BSN: variants seen among roughly 807,000 people sequenced by gnomAD.
The protein encoded by BSN is protein bassoon.
BSN carries 57 observed loss-of-function variants against 264.8 expected under a neutral mutation model. The observed-to-expected ratio is 0.22, with a 90% CI of 0.17 to 0.27. The LOEUF (loss-of-function observed/expected upper bound fraction) is 0.27, where lower values mean the gene tolerates loss of function less well. Ranked by LOEUF, BSN falls within the 10% of genes least tolerant of loss-of-function variation. The probability of loss-of-function intolerance (pLI) is 1.00; values close to 1 mark genes in which losing one functional copy is unlikely to be tolerated. For synonymous variants in BSN, 2,059 were observed against 2,137.3 expected (o/e 0.96, Z 1.01); for missense variants, 4,615 against 5,232.5 (o/e 0.88, Z 3.64).
At chr3:49,641,974 G>A (rs1040196196) in intron 2 of BSN, among the ~76,000 whole-genome samples, 1 of 151,914 alleles carries the variant, frequency 6.6e-6, no homozygotes, top group Non-Finnish European at 1.5e-5. Flanking sequence ...CTGCCAGGGG[G>A]TGGCGGGGAG....
intron 1 of BSN, among the ~76,000 whole-genome samples, chr3:49,597,641 C>CT (rs1373396014): frequency 1.3e-5 from 2 of 151,616 alleles, no homozygotes; most frequent in African/African-American, 2.4e-5. Context: ...CATTATTGTA[C>CT]TTTTTTTTTC....
In BSN at chr3:49,554,675, C is replaced by T; in HGVS notation, c.73C>T (p.Pro25Ser). 3 of 1,014,300 alleles carry T rather than the reference C, an allele frequency of 3.0e-6. No individual in the cohort carries two copies. The highest frequency in any genetic ancestry group is 3.5e-6 in the Non-Finnish European group (3 of 848,688). 62.8% of individuals were successfully genotyped at this position (1,014,300 alleles called of 1,614,324 possible). A position where few individuals can be genotyped will look rare whatever the true frequency, so the allele number is the denominator to read the frequency against. Residue 25 changes from proline (P) to serine (S), a missense_variant, in exon 1 of 12, where the codon CCG becomes TCG. Coordinates refer to ENST00000296452, the MANE Select transcript of BSN (RefSeq NM_003458.4). ...PLPPGGAGPG[P>S]GPGPGPGAGK... ...GCCGCCCGGCGGCGCCGGCCCCGGCCCGGGCCCCGGCCCCGGCCCCGGCGC... is the reference window on the plus strand; with the variant it reads ...GCCGCCCGGCGGCGCCGGCCCCGGCTCGGGCCCCGGCCCCGGCCCCGGCGC...
At chr3:49,570,670 C>T (rs1249580881) in intron 1 of BSN, among the ~76,000 whole-genome samples, 1 of 152,156 alleles carries the variant, frequency 6.6e-6, no homozygotes, top group Non-Finnish European at 1.5e-5. Context: ...CCTCTACACC[C>T]CTGAGTGTTG....
rs1221715143 is a variant in BSN at position 49,592,192 on chromosome 3, C to T, written c.225-32783C>T. 4.0e-5 allele frequency among the ~76,000 whole-genome samples: 6 copies of T among 151,778 alleles called. No individual in the cohort carries two copies. In the East Asian group the frequency reaches 1.2e-3, roughly 30 times the overall value. On this transcript the variant is annotated intron_variant, in intron 1 of 11. Coordinates refer to ENST00000296452, the MANE Select transcript of BSN (RefSeq NM_003458.4). ...TGGCATGATCTCCACTCACTGCAACCTCTGCCTCCCGGGTTCAAGCGATTC... is the reference window on the plus strand; with the variant it reads ...TGGCATGATCTCCACTCACTGCAACTTCTGCCTCCCGGGTTCAAGCGATTC...
intron 1 of BSN, among the ~76,000 whole-genome samples, chr3:49,592,491 C>T (rs956546381): frequency 6.6e-6 from 1 of 151,316 alleles, no homozygotes; most frequent in Non-Finnish European, 1.5e-5. Context: ...CGGTGGCTCA[C>T]GCCTGTAATC....
At chr3:49,593,073 T>A (rs1158079531) in intron 1 of BSN, among the ~76,000 whole-genome samples, 2 of 152,132 alleles carry the variant, frequency 1.3e-5, no homozygotes, top group African/African-American at 4.8e-5. Flanking sequence ...CCATCCCTAA[T>A]CCCTGGCAAC....
At chr3:49,601,643 G>A (rs1171757783) in intron 1 of BSN, among the ~76,000 whole-genome samples, 3 of 152,180 alleles carry the variant, frequency 2.0e-5, no homozygotes, top group African/African-American at 7.2e-5. Context: ...CATTCTTACT[G>A]AAGCTGCTCC....
chr3:49,606,189 T>TATATATGTATATATATA (rs2052141808), intron 1 of BSN, among the ~76,000 whole-genome samples: 3 of 43,764 alleles, frequency 6.9e-5, no homozygotes, highest in African/African-American at 2.4e-4. Flanking sequence ...GTATATATAT[T>TATATATGTATATATATA]ATATATACAT....
rs1446980638 is a variant in BSN at position 49,652,799 on chromosome 3, G to T, written c.3243G>T (p.Leu1081=). Residue 1081 remains leucine (L), a synonymous_variant, in exon 5 of 12, where the codon CTG becomes CTT. Coordinates refer to ENST00000296452, the MANE Select transcript of BSN (RefSeq NM_003458.4). ...ARKTRRDKEE[L]RAQRRRERSK... ...AGACCCGGCGGGACAAGGAAGAACT[G>T]CGGGCCCAGCGGAGGCGAGAGCGCT... is the stretch of plus-strand genomic sequence containing the variant. The T allele has an allele frequency of 6.4e-7, 1 of 1,554,428 alleles. No homozygotes were observed. Among genetic ancestry groups the T allele is most frequent in the East Asian group, 2.3e-5 (1 of 44,298 alleles).
intron 1 of BSN, among the ~76,000 whole-genome samples, chr3:49,568,522 T>C (rs1332677334): frequency 2.6e-5 from 4 of 152,232 alleles, no homozygotes; most frequent in Admixed American, 6.5e-5. Flanking sequence ...GGGAAAAATA[T>C]ATTTGTTTAC....
Position 49,663,105 on chromosome 3 carries a change from C to T in BSN, c.10947C>T (p.Asp3649=). 6.2e-7 allele frequency: 1 copy of T among 1,611,804 alleles called. No homozygotes were observed. The highest frequency in any genetic ancestry group is 8.5e-7 in the Non-Finnish European group (1 of 1,179,596). Residue 3649 remains aspartate, a synonymous_variant, in exon 7 of 12, where the codon GAC becomes GAT. Transcript: ENST00000296452. ...HASAKEHRHG[D]HGRHSGRHTG... ...CAGCCAAGGAACACCGGCACGGTGA[C>T]CACGGGCGGCACTCAGGCCGCCACA...
chr3:49,654,808 A>T lies in BSN; in HGVS notation c.5252A>T (p.Tyr1751Phe). The change falls in exon 5 of 12, where the codon TAT becomes TTT. Residue 1751 changes from tyrosine (Y) to phenylalanine (F), a missense_variant. Physicochemically the swap from Tyr to Phe is conservative, Grantham distance 22. This residue lies in a region of BSN where 3,415 missense variants were observed against 3,866.4 expected (regional missense o/e 0.88). Coordinates refer to ENST00000296452, the MANE Select transcript of BSN (RefSeq NM_003458.4). The surrounding 1 kb of genome is among the most constrained non-coding windows in gnomAD (Gnocchi z 4.1). The part of the protein sequence containing the change: ...FMAQQKQPVV[Y>F]GDPYQSRLDF... ...GCTCAACAAAAGCAGCCTGTGGTCT[A>T]TGGAGACCCCTACCAGAGCCGCCTT... The T allele has an allele frequency of 6.2e-7, 1 of 1,613,424 alleles. No homozygotes were observed. Among genetic ancestry groups the T allele is most frequent in the Non-Finnish European group, 8.5e-7 (1 of 1,179,920 alleles).
At chr3:49,606,310 T>TTATATATATTAAA (rs1307685049) in intron 1 of BSN, among the ~76,000 whole-genome samples, 3 of 118,388 alleles carry the variant, frequency 2.5e-5, no homozygotes, top group African/African-American at 9.7e-5. Flanking sequence ...AAAATATATA[T>TTATATATATTAAA]AATATATATT....
intron 2 of BSN, among the ~76,000 whole-genome samples, chr3:49,632,869 G>A (rs2052392063): frequency 6.6e-6 from 1 of 152,124 alleles, no homozygotes; most frequent in African/African-American, 2.4e-5. Context: ...GAGAGGCTAA[G>A]GTGGGAGGGT....
At chr3:49,648,770 G>A (rs2052518083) in intron 3 of BSN, among the ~76,000 whole-genome samples, 1 of 152,150 alleles carries the variant, frequency 6.6e-6, no homozygotes, top group Non-Finnish European at 1.5e-5. Flanking sequence ...CATCAGATAA[G>A]GTTCAAGGGA....
At position 49,657,487 on chromosome 3, in the gene BSN, A is replaced by G. The variant is rs2052618272; in HGVS notation, c.7931A>G (p.Lys2644Arg). 4.3e-6 allele frequency: 7 copies of G among 1,613,166 alleles called. No individual in the cohort carries two copies. The African/African-American group carries it at 6.7e-5, about 15-fold the overall frequency. ...CACTCAGACTCAGGCTCTGACAGCA[A>G]GCACGATGCCACTGCCTCATCATCC... ...PRHSDSGSDS[K>R]HDATASSSSA... Residue 2644 changes from lysine to arginine, a missense_variant, in exon 5 of 12, where the codon AAG becomes AGG. Lys to Arg is a conservative substitution (Grantham distance 26). Around this residue, in one of 3 missense-constraint regions of BSN, gnomAD observed 3,415 missense variants for 3,866.4 expected, o/e 0.88. Transcript: ENST00000296452.
intron 1 of BSN, among the ~76,000 whole-genome samples, chr3:49,557,103 C>T (rs1426032167): frequency 6.6e-6 from 1 of 152,200 alleles, no homozygotes; most frequent in African/African-American, 2.4e-5. Flanking sequence ...CCATGAGTAG[C>T]AGTGCTGCCA....
At chr3:49,600,696 C>G (rs1324462390) in intron 1 of BSN, among the ~76,000 whole-genome samples, 1 of 152,108 alleles carries the variant, frequency 6.6e-6, no homozygotes, top group East Asian at 1.9e-4. Flanking sequence ...CTCAGCTGCT[C>G]TGTAGGCTGA....
chr3:49,595,232 G>A (rs1450525750), intron 1 of BSN, among the ~76,000 whole-genome samples: 1 of 112,226 alleles, frequency 8.9e-6, no homozygotes, highest in East Asian at 2.5e-4. Context: ...TGCTCTTGTT[G>A]CCCAGGCTGG....
Sources: gnomAD v4.1 joint callset for allele counts (sites outside exome capture counted in the v4.1 genomes callset) on GRCh38, gnomAD v4.1.1 for gene constraint, gnomAD v4.1.1 regional missense constraint, Gnocchi (gnomAD v3.1) non-coding constraint, MANE v1.5 for transcripts, NCBI Gene and HGNC (gene_info 2026-07-23, HGNC 2026-07-21) for gene names.